Variants in C12orf43 observed in about 807,000 individuals in gnomAD.
The protein encoded by C12orf43 is protein CUSTOS.
C12orf43 carries 15 observed loss-of-function variants against 20.6 expected under a neutral mutation model. The ratio of observed to expected loss-of-function variants is 0.73; its 90% CI spans 0.49 to 1.12. C12orf43 has a LOEUF of 1.12. C12orf43 is among the 50% of genes most tolerant of loss of function. The pLI is 0.00. For synonymous variants in C12orf43, 144 were observed against 130.8 expected (o/e 1.10, Z -0.69); for missense variants, 334 against 344.4 (o/e 0.97, Z 0.24).
At chr12:121,016,242 AG>A (rs1868899903) in intron 1 of C12orf43, 87 bp downstream of exon 1, 2 of 1,594,020 alleles carry the variant, frequency 1.3e-6, no homozygotes, top group Non-Finnish European at 1.7e-6. Flanking sequence ...GCCGAGTCCC[AG>A]TGACTCTCTC....
rs916865151 is a variant in C12orf43 at position 121,004,868 on chromosome 12, G to A, written c.452+135C>T. On this transcript the variant is annotated intron_variant, in intron 5 of 5. Transcript: ENST00000288757. The surrounding 1 kb of genome is among the most constrained non-coding windows in gnomAD (Gnocchi z 5.6). ...GGGCTTTCCCTCCCGCTGAGCTCAT[G>A]ATTTCTCCAGCTGCCTGACAGGGCC... 11 of 613,514 alleles carry A rather than the reference G, an allele frequency of 1.8e-5. No individual in the cohort carries two copies. The highest frequency in any genetic ancestry group is 3.2e-5 in the East Asian group (1 of 31,318). 38.0% of individuals were successfully genotyped at this position (613,514 alleles called of 1,614,324 possible). A position where few individuals can be genotyped will look rare whatever the true frequency, so the allele number is the denominator to read the frequency against.
At chr12:121,006,761 C>G (rs1878058196) in intron 3 of C12orf43, 1 of 187,242 alleles carries the variant, frequency 5.3e-6, no homozygotes, top group South Asian at 1.0e-4. Context: ...CACGGTGAAA[C>G]CCCATCTCTA....
At position 121,011,115 on chromosome 12, in the gene C12orf43, T is replaced by C. The variant is rs112728225; in HGVS notation, c.177A>G (p.Gln59=). The change falls in exon 2 of 6, where the codon CAA becomes CAG. Residue 59 remains glutamine, a synonymous_variant. Coordinates refer to ENST00000288757, the MANE Select transcript of C12orf43 (RefSeq NM_022895.3). ...GAANSQLSTS[Q]PSLRHKVNEH... ...AAAGTGCATAGTACCTGAGGCTCGGTTGGGAGGTTGACAACTGGCTATTTG... is the reference window on the plus strand; with the variant it reads ...AAAGTGCATAGTACCTGAGGCTCGGCTGGGAGGTTGACAACTGGCTATTTG... 8 of 1,613,810 alleles carry C rather than the reference T, an allele frequency of 5.0e-6. No homozygotes were observed. In the South Asian group the frequency reaches 5.5e-5, roughly 11 times the overall value.
intron 1 of C12orf43, among the ~76,000 whole-genome samples, chr12:121,015,943 T>C (rs1868865682): frequency 6.6e-6 from 1 of 151,972 alleles, no homozygotes; most frequent in Admixed American, 6.6e-5. Context: ...ACGGTCAGAG[T>C]GATGTGCTGG....
At chr12:121,013,413 A>G (rs1349870912) in intron 1 of C12orf43, among the ~76,000 whole-genome samples, 1 of 152,100 alleles carries the variant, frequency 6.6e-6, no homozygotes. Context: ...TCTCTCCCTG[A>G]GCCTTTGTTT....
rs1282304898 is a variant in C12orf43 at position 121,003,578 on chromosome 12, G to A, written c.*575C>T. ...GGTCGGCTCAGAGACACCATCATGTGTGGTATATTCACAAATGCAGACAAA... is the reference window on the plus strand; with the variant it reads ...GGTCGGCTCAGAGACACCATCATGTATGGTATATTCACAAATGCAGACAAA... On this transcript the variant is annotated 3_prime_UTR_variant, in exon 6 of 6. Coordinates refer to ENST00000288757, the MANE Select transcript of C12orf43 (RefSeq NM_022895.3). The A allele has an allele frequency of 6.5e-6, 1 of 153,788 alleles. No homozygotes were observed. Among genetic ancestry groups the A allele is most frequent in the African/African-American group, 2.4e-5 (1 of 41,450 alleles). 9.5% of individuals were successfully genotyped at this position (153,788 alleles called of 1,614,324 possible).
At chr12:121,012,038 A>G (rs1363854447) in intron 1 of C12orf43, among the ~76,000 whole-genome samples, 1 of 152,210 alleles carries the variant, frequency 6.6e-6, no homozygotes, top group Admixed American at 6.5e-5. Context: ...AAGTGTATGG[A>G]AAAAAACGGA....
chr12:121,002,381 G>A lies in C12orf43; in HGVS notation c.*1772C>T, dbSNP rs1479056288. On this transcript the variant is annotated 3_prime_UTR_variant, in exon 6 of 6. Coordinates refer to ENST00000288757, the MANE Select transcript of C12orf43 (RefSeq NM_022895.3). Reference sequence around the variant, plus strand: ...CCTGCTGCTGAGAACCTGGCCTTCAGTGTACCGCGTCTACCCTGGGATTCA... The same window carrying A: ...CCTGCTGCTGAGAACCTGGCCTTCAATGTACCGCGTCTACCCTGGGATTCA... 7.8e-6 allele frequency: 4 copies of A among 512,988 alleles called. No homozygotes were observed. The highest frequency in any genetic ancestry group is 1.5e-5 in the Non-Finnish European group (4 of 266,994). 31.8% of individuals were successfully genotyped at this position (512,988 alleles called of 1,614,324 possible). A position where few individuals can be genotyped will look rare whatever the true frequency, so the allele number is the denominator to read the frequency against.
rs1231540884 is a variant in C12orf43, at chr12:121,000,713, T to G, written c.*3440A>C. ...TCTCCTTCACTCAAAGCCAACTGAT[T>G]GTGGCATTAACCACATCTACAAAGC... On this transcript the variant is annotated 3_prime_UTR_variant, in exon 6 of 6. Transcript: ENST00000288757. The G allele has an allele frequency of 2.8e-6, 1 of 357,076 alleles. No individual in the cohort carries two copies. The highest frequency in any genetic ancestry group is 5.4e-6 in the Non-Finnish European group (1 of 184,022). 22.1% of individuals were successfully genotyped at this position (357,076 alleles called of 1,614,324 possible).
rs3751149 is a variant in C12orf43, at chr12:121,016,159, C to A, written c.145+171G>T. The A allele has an allele frequency of 0.12, 115,362 of 988,108 alleles. 7,617 individuals are homozygous for A. Among genetic ancestry groups the A allele is most frequent in the East Asian group, 0.17 (6,573 of 38,614 alleles). 61.2% of individuals were successfully genotyped at this position (988,108 alleles called of 1,614,324 possible). On this transcript the variant is annotated intron_variant, in intron 1 of 5. Transcript: ENST00000288757. Reference sequence around the variant, plus strand: ...CTTCCCCGACTGGAATAATGAAATACCCTCCCTACTGCACCTGCCCATGCT... The same window carrying A: ...CTTCCCCGACTGGAATAATGAAATAACCTCCCTACTGCACCTGCCCATGCT...
Position 121,001,205 on chromosome 12 carries a change from G to T in C12orf43, c.*2948C>A, listed in dbSNP as rs1044153148. The T allele has an allele frequency of 2.5e-6, 4 of 1,613,606 alleles. No homozygotes were observed. The African/African-American group carries it at 5.3e-5, about 22-fold the overall frequency. On this transcript the variant is annotated 3_prime_UTR_variant, in exon 6 of 6. Coordinates refer to ENST00000288757, the MANE Select transcript of C12orf43 (RefSeq NM_022895.3). ...TTCCTCCCAGTAACCACGGCACCTGGGCCCTGGGGCCTGTACTGCCTGCTT... is the reference window on the plus strand; with the variant it reads ...TTCCTCCCAGTAACCACGGCACCTGTGCCCTGGGGCCTGTACTGCCTGCTT...
chr12:121,011,291 A>G, intron 1 of C12orf43, 145 bp from the exon 2 acceptor site: 4 of 437,982 alleles, frequency 9.1e-6, no homozygotes, highest in Non-Finnish European at 1.6e-5. Context: ...TTATATTTAT[A>G]TATAACTTAA....
chr12:121,002,440 AG>A lies in C12orf43; in HGVS notation c.*1712del. 1 of 531,502 alleles carries A rather than the reference AG, an allele frequency of 1.9e-6. No homozygotes were observed. Among genetic ancestry groups the A allele is most frequent in the South Asian group, 1.5e-5 (1 of 65,176 alleles). 32.9% of individuals were successfully genotyped at this position (531,502 alleles called of 1,614,324 possible). A position where few individuals can be genotyped will look rare whatever the true frequency, so the allele number is the denominator to read the frequency against. On this transcript the variant is annotated 3_prime_UTR_variant, in exon 6 of 6. Coordinates refer to ENST00000288757, the MANE Select transcript of C12orf43 (RefSeq NM_022895.3). ...CCTGGGGTGACCCGGCACCCCCTGC[AG>A]CTTGTAGCCAGCCGGGGCGAGTGGC...
Position 121,002,236 on chromosome 12 carries a change from G to A in C12orf43, c.*1917C>T, listed in dbSNP as rs1039799815. On this transcript the variant is annotated 3_prime_UTR_variant, in exon 6 of 6. Transcript: ENST00000288757. ...GGACAGGACTAACACTCAGAAGCCT[G>A]GGGGCCTGGCTGGCTGAGGGCAGTT... 106 of 440,462 alleles carry A rather than the reference G, an allele frequency of 2.4e-4. No homozygotes were observed. Among genetic ancestry groups the A allele is most frequent in the Non-Finnish European group, 3.6e-4 (83 of 230,978 alleles). 27.3% of individuals were successfully genotyped at this position (440,462 alleles called of 1,614,324 possible). A position where few individuals can be genotyped will look rare whatever the true frequency, so the allele number is the denominator to read the frequency against.
chr12:121,012,036 G>A (rs1273373327), intron 1 of C12orf43, among the ~76,000 whole-genome samples: 1 of 152,020 alleles, frequency 6.6e-6, no homozygotes, highest in African/African-American at 2.4e-5. Context: ...CTAAGTGTAT[G>A]GAAAAAAACG....
rs3999411 is a variant in C12orf43, at chr12:121,007,606, A to G, written c.288-1212T>C. 1.5e-3 allele frequency among the ~76,000 whole-genome samples: 236 copies of G among 152,368 alleles called. 8 individuals are homozygous for G. In the South Asian group the frequency reaches 0.047, roughly 30 times the overall value. On this transcript the variant is annotated intron_variant, in intron 3 of 5. Coordinates refer to ENST00000288757, the MANE Select transcript of C12orf43 (RefSeq NM_022895.3). ...ATGCAGATGATGACTGTCATCAAGA[A>G]AAGCTTCAGCCTTCACAGGCTCTCT...
In C12orf43 at chr12:121,003,952, G is replaced by A. The variant is rs532266928; in HGVS notation, c.*201C>T. ...GAGCACAGAGGGGCAGGCCTTGATT[G>A]GTCTTCTCACCCTACAGCCACTTTT... On this transcript the variant is annotated 3_prime_UTR_variant, in exon 6 of 6. Coordinates refer to ENST00000288757, the MANE Select transcript of C12orf43 (RefSeq NM_022895.3). The A allele has an allele frequency of 7.1e-5, 44 of 619,988 alleles. No homozygotes were observed. The highest frequency in any genetic ancestry group is 1.1e-4 in the Non-Finnish European group (37 of 349,606). 38.4% of individuals were successfully genotyped at this position (619,988 alleles called of 1,614,324 possible).
Position 121,005,200 on chromosome 12 carries a change from A to C in C12orf43, c.362-107T>G. 1.6e-6 allele frequency: 1 copy of C among 612,492 alleles called. No homozygotes were observed. The highest frequency in any genetic ancestry group is 2.4e-6 in the Non-Finnish European group (1 of 413,492). 37.9% of individuals were successfully genotyped at this position (612,492 alleles called of 1,614,324 possible). Reference sequence around the variant, plus strand: ...AAAGAAAAAAATTTTAAAAAGGAAAACGAAAGAAAGAAAAGATAAAGAGAA... The same window carrying C: ...AAAGAAAAAAATTTTAAAAAGGAAACCGAAAGAAAGAAAAGATAAAGAGAA... On this transcript the variant is annotated intron_variant, in intron 4 of 5. Transcript: ENST00000288757. This position sits in a 1 kb window ranked among gnomAD's most constrained non-coding sequence, Gnocchi z 5.6.
chr12:121,001,426 C>T lies in C12orf43; in HGVS notation c.*2727G>A. Reference sequence around the variant, plus strand: ...GGGTCGTGGAGAGCTAGGAGCAAAGCCTGTTCATGGCAGATGTAGGAGGGA... The same window carrying T: ...GGGTCGTGGAGAGCTAGGAGCAAAGTCTGTTCATGGCAGATGTAGGAGGGA... On this transcript the variant is annotated 3_prime_UTR_variant, in exon 6 of 6. Transcript: ENST00000288757. 1 of 567,206 alleles carries T rather than the reference C, an allele frequency of 1.8e-6. No individual in the cohort carries two copies. The highest frequency in any genetic ancestry group is 3.2e-6 in the Non-Finnish European group (1 of 315,838). The allele number at this position is 567,206 out of a possible 1,614,324, so 35.1% of individuals were successfully genotyped here. A position where few individuals can be genotyped will look rare whatever the true frequency, so the allele number is the denominator to read the frequency against.
Sources: gnomAD v4.1 joint callset for allele counts (sites outside exome capture counted in the v4.1 genomes callset) on GRCh38, gnomAD v4.1.1 for gene constraint, Gnocchi (gnomAD v3.1) non-coding constraint, MANE v1.5 for transcripts, NCBI Gene and HGNC (gene_info 2026-07-23, HGNC 2026-07-21) for gene names.